PRXL2C: variants seen among roughly 807,000 people sequenced by gnomAD.
PRXL2C encodes peroxiredoxin like 2C.
Under a neutral mutation model 24.9 loss-of-function variants are expected in PRXL2C, and 38 were observed. The ratio of observed to expected loss-of-function variants is 1.53; its 90% CI spans 1.18 to 2.00. The LOEUF is 2.00. PRXL2C is among the 30% of genes most tolerant of loss of function. The probability of loss-of-function intolerance (pLI) is 0.00; values close to 1 mark genes in which losing one functional copy is unlikely to be tolerated. For synonymous variants in PRXL2C, 98 were observed against 117.2 expected (o/e 0.84, Z 1.06); for missense variants, 294 against 290.9 (o/e 1.01, Z -0.08).
intron 1 of PRXL2C, 74 bp from the exon 2 acceptor site, chr9:96,654,847 G>A: frequency 1.4e-6 from 2 of 1,440,700 alleles, no homozygotes; most frequent in South Asian, 2.6e-5. Flanking sequence ...CCTGTACTTC[G>A]CCGTGCGTGA....
rs940436863 is a variant in PRXL2C, at chr9:96,644,115, G to C, written c.553+1778C>G. Among the ~76,000 whole-genome samples, 6 of 134,990 alleles carry C rather than the reference G, an allele frequency of 4.4e-5. No homozygotes were observed. The Admixed American group carries it at 4.9e-4, about 11-fold the overall frequency. The allele number at this position is 134,990 out of a possible 152,430, so 88.6% of individuals were successfully genotyped here. A position where few individuals can be genotyped will look rare whatever the true frequency, so the allele number is the denominator to read the frequency against. ...ACCACTGCACTCCAGCCTGGTGACA[G>C]AGCAAGGCTCTGTCTCAAAAAAAAA... On this transcript the variant is annotated intron_variant, in intron 5 of 5. Coordinates refer to ENST00000375234, the MANE Select transcript of PRXL2C (RefSeq NM_153698.2).
At chr9:96,647,658 G>A (rs918033536) in intron 4 of PRXL2C, among the ~76,000 whole-genome samples, 6 of 151,954 alleles carry the variant, frequency 3.9e-5, no homozygotes, top group East Asian at 3.9e-4. Flanking sequence ...AAGTAGCTGC[G>A]ACCACTGGTT....
chr9:96,639,943 CTT>C lies in PRXL2C; in HGVS notation c.*1814_*1815del, dbSNP rs1273152296. 1 of 151,434 alleles carries C rather than the reference CTT, an allele frequency of 6.6e-6. No individual in the cohort carries two copies. Among genetic ancestry groups the C allele is most frequent in the Admixed American group, 6.6e-5 (1 of 15,190 alleles). 9.4% of individuals were successfully genotyped at this position (151,434 alleles called of 1,614,324 possible). On this transcript the variant is annotated 3_prime_UTR_variant, in exon 6 of 6. Transcript: ENST00000375234. ...CTCCATCTTTACTAAAAAATAGAAACTTAGCCAGGCATGGTGGCGCATGCCTG... is the reference window on the plus strand; with the variant it reads ...CTCCATCTTTACTAAAAAATAGAAACAGCCAGGCATGGTGGCGCATGCCTG...
rs1306134463 is a variant in PRXL2C at position 96,645,930 on chromosome 9, G to T, written c.516C>A (p.Asp172Glu). The T allele has an allele frequency of 8.1e-6, 13 of 1,613,502 alleles. No homozygotes were observed. The highest frequency in any genetic ancestry group is 1.1e-5 in the Non-Finnish European group (13 of 1,179,864). Reference sequence around the variant, plus strand: ...TGAGGGTTCCACCTTGCTGAGCTGGGTCTCCTTGAAAATCAAAGAGAGGGC... The same window carrying T: ...TGAGGGTTCCACCTTGCTGAGCTGGTTCTCCTTGAAAATCAAAGAGAGGGC... ...VTGPLFDFQG[D>E]PAQQGGTLIL... The change falls in exon 5 of 6, where the codon GAC (aspartate) becomes GAA (glutamate). Residue 172 changes from aspartate to glutamate, a missense_variant. Coordinates refer to ENST00000375234, the MANE Select transcript of PRXL2C (RefSeq NM_153698.2).
chr9:96,641,750 C>A lies in PRXL2C; in HGVS notation c.*9G>T. 6.4e-7 allele frequency: 1 copy of A among 1,554,630 alleles called. No individual in the cohort carries two copies. Among genetic ancestry groups the A allele is most frequent in the Non-Finnish European group, 8.8e-7 (1 of 1,138,332 alleles). On this transcript the variant is annotated 3_prime_UTR_variant, in exon 6 of 6. Transcript: ENST00000375234. ...AGGTCCAGTTGAAAGTGACTGAGTG[C>A]ATTTTAAGTCACACATGGATAACTG...
intron 1 of PRXL2C, 62 bp from the exon 2 acceptor site, chr9:96,654,835 T>A: frequency 6.8e-7 from 1 of 1,464,780 alleles, no homozygotes; most frequent in Non-Finnish European, 9.3e-7. Context: ...CCCCGAAGGA[T>A]CCCTGTACTT....
intron 2 of PRXL2C, among the ~76,000 whole-genome samples, chr9:96,652,496 G>C (rs1848280919): frequency 2.0e-5 from 3 of 151,172 alleles, no homozygotes; most frequent in Admixed American, 1.3e-4. Context: ...TCTCCAGCCT[G>C]GGGGGCAGAA....
chr9:96,646,260 C>G (rs1410435627), intron 4 of PRXL2C, among the ~76,000 whole-genome samples: 1 of 152,078 alleles, frequency 6.6e-6, no homozygotes, highest in Non-Finnish European at 1.5e-5. Context: ...GTTGTAAAAA[C>G]CAAAAATGTC....
chr9:96,643,244 TCTTTA>T (rs145920443), intron 5 of PRXL2C, among the ~76,000 whole-genome samples: 2,099 of 152,198 alleles, frequency 0.014, 37 homozygotes, highest in African/African-American at 0.046. Flanking sequence ...TGCTCTTTCT[TCTTTA>T]CTTATTTATT....
At chr9:96,654,821 C>T in intron 1 of PRXL2C, 48 bp from the exon 2 acceptor site, 1 of 1,521,082 alleles carries the variant, frequency 6.6e-7, no homozygotes, top group Non-Finnish European at 8.9e-7. Flanking sequence ...GCAGCACCCT[C>T]GGGCCCCGAA....
intron 4 of PRXL2C, among the ~76,000 whole-genome samples, chr9:96,650,310 C>G (rs1216117039): frequency 1.3e-5 from 2 of 152,146 alleles, no homozygotes; most frequent in Non-Finnish European, 2.9e-5. Context: ...AATATTTATT[C>G]AAAATTATTG....
At chr9:96,644,123 C>G (rs972875520) in intron 5 of PRXL2C, among the ~76,000 whole-genome samples, 6 of 135,782 alleles carry the variant, frequency 4.4e-5, no homozygotes, top group African/African-American at 1.7e-4. Flanking sequence ...CAGAGCAAGG[C>G]TCTGTCTCAA....
intron 4 of PRXL2C, among the ~76,000 whole-genome samples, chr9:96,649,624 C>T (rs1175972762): frequency 1.3e-5 from 2 of 151,706 alleles, no homozygotes; most frequent in African/African-American, 4.9e-5. Flanking sequence ...AACTCTGCCT[C>T]ACAAACAGCT....
At chr9:96,650,689 A>C (rs1240055603) in intron 4 of PRXL2C, among the ~76,000 whole-genome samples, 2 of 152,256 alleles carry the variant, frequency 1.3e-5, no homozygotes, top group African/African-American at 4.8e-5. Flanking sequence ...TGTGAACTTA[A>C]TACTACTTTC....
intron 1 of PRXL2C, 140 bp from the exon 2 acceptor site, chr9:96,654,913 G>C: frequency 2.5e-6 from 3 of 1,192,064 alleles, no homozygotes; most frequent in Non-Finnish European, 3.3e-6. Context: ...CGCCCGGCGC[G>C]TGGGAAGCGG....
rs1848108795 is a variant in PRXL2C at position 96,641,127 on chromosome 9, T to G, written c.*632A>C. 6.6e-6 allele frequency: 1 copy of G among 152,166 alleles called. No homozygotes were observed. The highest frequency in any genetic ancestry group is 1.5e-5 in the Non-Finnish European group (1 of 68,040). 9.4% of individuals were successfully genotyped at this position (152,166 alleles called of 1,614,324 possible). ...GTGAAGGTTGTTATGTGGCATAAAA[T>G]TGTCCTATAATGTTTAAAGACCTTT... On this transcript the variant is annotated 3_prime_UTR_variant, in exon 6 of 6. Coordinates refer to ENST00000375234, the MANE Select transcript of PRXL2C (RefSeq NM_153698.2).
Position 96,645,894 on chromosome 9 carries a change from T to C in PRXL2C, c.552A>G (p.Pro184=), listed in dbSNP as rs752564874. The change falls in exon 5 of 6, where the codon CCA becomes CCG. Residue 184 remains proline, a splice_region_variant and synonymous_variant. Transcript: ENST00000375234. ...AQQGGTLILG[P]GNNIHFIHRD... ...CTGAACCTGGGCTTTGATGCTTACC[T>C]GGACCTAAAATGAGGGTTCCACCTT... 1 of 1,609,138 alleles carries C rather than the reference T, an allele frequency of 6.2e-7. No individual in the cohort carries two copies. Among genetic ancestry groups the C allele is most frequent in the Non-Finnish European group, 8.5e-7 (1 of 1,178,710 alleles).
Position 96,641,652 on chromosome 9 carries a change from A to G in PRXL2C, c.*107T>C. On this transcript the variant is annotated 3_prime_UTR_variant, in exon 6 of 6. Transcript: ENST00000375234. The stretch of plus-strand genomic sequence containing the variant: ...CCTTTATGCTTCCCTAACTCCTCAA[A>G]GGCTGGGAAGGGACAGCAGGTTAGA... The G allele has an allele frequency of 8.4e-7, 1 of 1,194,602 alleles. No homozygotes were observed. The highest frequency in any genetic ancestry group is 2.9e-5 in the South Asian group (1 of 34,076). The allele number at this position is 1,194,602 out of a possible 1,614,324, so 74.0% of individuals were successfully genotyped here.
At chr9:96,649,347 C>A (rs570867825) in intron 4 of PRXL2C, among the ~76,000 whole-genome samples, 1 of 149,514 alleles carries the variant, frequency 6.7e-6, no homozygotes, top group Non-Finnish European at 1.5e-5. Context: ...GGTGGATCAC[C>A]TGAGGTCGGG....
Sources: allele counts gnomAD v4.1 joint callset (sites outside exome capture counted in the v4.1 genomes callset), GRCh38; gene constraint gnomAD v4.1.1; transcripts MANE v1.5; gene names NCBI Gene and HGNC (gene_info 2026-07-23, HGNC 2026-07-21).